Variants in JAZF1 observed in about 807,000 individuals in gnomAD.
The protein encoded by JAZF1 is juxtaposed with another zinc finger protein 1.
In JAZF1, 8 loss-of-function variants were observed where a neutral mutation model predicts 26.4. The observed-to-expected ratio is 0.30, with a 90% confidence interval of 0.18 to 0.55. The LOEUF (loss-of-function observed/expected upper bound fraction) is 0.55. Among genes scored for constraint, JAZF1 ranks in the 20% least tolerant of loss-of-function variants. JAZF1 has a pLI of 0.94. For missense variants in JAZF1, 199 were observed against 322.0 expected (o/e 0.62, Z 2.92); for synonymous variants, 126 against 122.3 (o/e 1.03, Z -0.20).
intron 1 of JAZF1, among the ~76,000 whole-genome samples, chr7:28,052,838 T>C (rs1373027250): frequency 6.6e-5 from 10 of 152,166 alleles, no homozygotes; most frequent in South Asian, 4.2e-4. Context: ...TTTCTGATTG[T>C]GGTAAAAAAT....
At chr7:28,055,218 C>T (rs762086480) in intron 1 of JAZF1, among the ~76,000 whole-genome samples, 2 of 151,760 alleles carry the variant, frequency 1.3e-5, no homozygotes, top group Non-Finnish European at 2.9e-5. Context: ...AGTCTAGTCT[C>T]TCTCCCTCCC....
chr7:28,046,753 G>A (rs1783503925), intron 1 of JAZF1, among the ~76,000 whole-genome samples: 1 of 152,150 alleles, frequency 6.6e-6, no homozygotes, highest in Admixed American at 6.6e-5. Context: ...AAAGTATTTT[G>A]ATATGTTAAA....
chr7:27,993,754 A>C (rs1024748561), intron 1 of JAZF1, among the ~76,000 whole-genome samples: 5 of 152,176 alleles, frequency 3.3e-5, no homozygotes, highest in Non-Finnish European at 2.9e-5. Flanking sequence ...AAAATTTCTC[A>C]AGTGCTCACA....
chr7:27,961,584 C>A (rs1785185446), intron 2 of JAZF1, among the ~76,000 whole-genome samples: 1 of 152,136 alleles, frequency 6.6e-6, no homozygotes. Context: ...AAAATATTCT[C>A]CCCAAAGAAA....
At chr7:28,014,147 G>A (rs1183685433) in intron 1 of JAZF1, among the ~76,000 whole-genome samples, 2 of 151,892 alleles carry the variant, frequency 1.3e-5, no homozygotes, top group East Asian at 1.9e-4. Flanking sequence ...GGTGGGGAAT[G>A]CATGCTCTCT....
chr7:28,014,876 G>C (rs923701651), intron 1 of JAZF1, among the ~76,000 whole-genome samples: 4 of 152,278 alleles, frequency 2.6e-5, no homozygotes, highest in African/African-American at 9.6e-5. Flanking sequence ...GAAGGGAGTG[G>C]CATAAAGATG....
intron 1 of JAZF1, among the ~76,000 whole-genome samples, chr7:28,106,388 G>A (rs1400224236): frequency 6.6e-6 from 1 of 152,188 alleles, no homozygotes; most frequent in African/African-American, 2.4e-5. Context: ...CTGGCTTGCT[G>A]AGCAGCAACG....
At chr7:27,904,355 A>G (rs1449155796) in intron 2 of JAZF1, among the ~76,000 whole-genome samples, 1 of 152,208 alleles carries the variant, frequency 6.6e-6, no homozygotes, top group Non-Finnish European at 1.5e-5. Flanking sequence ...TTAATTCCAT[A>G]GTGAAGCTAA....
At chr7:27,842,190 GC>G (rs1255631368) in intron 3 of JAZF1, 1 of 152,160 alleles carries the variant, frequency 6.6e-6, no homozygotes, top group Non-Finnish European at 1.5e-5. Flanking sequence ...TTTACTCAGT[GC>G]CTATGATGTT....
intron 3 of JAZF1, among the ~76,000 whole-genome samples, chr7:27,870,446 C>T (rs10239899): frequency 0.043 from 6,480 of 152,226 alleles, 201 homozygotes; most frequent in South Asian, 0.067. Context: ...CTCTCCTACA[C>T]AAGTCCCAAG....
intron 2 of JAZF1, among the ~76,000 whole-genome samples, chr7:27,936,285 T>C (rs1784762424): frequency 6.6e-6 from 1 of 152,182 alleles, no homozygotes; most frequent in Admixed American, 6.5e-5. Flanking sequence ...GAGGACATGC[T>C]TTCTCTGGTG....
rs149948883 is a variant in JAZF1 at position 27,839,521 on chromosome 7, T to G, written c.555+1177A>C. 8.6e-3 allele frequency among the ~76,000 whole-genome samples: 1,308 copies of G among 152,284 alleles called. 18 individuals carry two copies. The highest frequency in any genetic ancestry group is 0.029 in the African/African-American group (1,196 of 41,576). On this transcript the variant is annotated intron_variant, in intron 4 of 4. Transcript: ENST00000283928. ...CCCTCCTCTCCCAACTCCACGCCTCTGACACAGAATGTACAGATGCGTCCT... is the reference window on the plus strand; with the variant it reads ...CCCTCCTCTCCCAACTCCACGCCTCGGACACAGAATGTACAGATGCGTCCT...
chr7:28,158,140 A>AAC (rs1220549508), intron 1 of JAZF1, among the ~76,000 whole-genome samples: 2 of 148,016 alleles, frequency 1.4e-5, no homozygotes, highest in South Asian at 2.2e-4. Context: ...CCACATTGAA[A>AAC]ACACGCGCGC....
intron 1 of JAZF1, among the ~76,000 whole-genome samples, chr7:28,092,478 A>C (rs1300008141): frequency 6.9e-6 from 1 of 144,646 alleles, no homozygotes; most frequent in Non-Finnish European, 1.5e-5. Context: ...AGCAATATTA[A>C]AAGTATATAA....
At chr7:27,988,653 T>C (rs1785815176) in intron 2 of JAZF1, among the ~76,000 whole-genome samples, 1 of 152,088 alleles carries the variant, frequency 6.6e-6, no homozygotes, top group Non-Finnish European at 1.5e-5. Flanking sequence ...ACATCGGTTA[T>C]TGTGATTTTT....
chr7:27,899,597 G>A (rs1050867212), intron 2 of JAZF1, among the ~76,000 whole-genome samples: 6 of 152,002 alleles, frequency 3.9e-5, no homozygotes, highest in Admixed American at 3.9e-4. Flanking sequence ...CCCATGCCCA[G>A]GTAATTTTTG....
chr7:28,076,313 AAT>A (rs1352524984), intron 1 of JAZF1, among the ~76,000 whole-genome samples: 3 of 152,224 alleles, frequency 2.0e-5, no homozygotes, highest in Admixed American at 6.5e-5. Flanking sequence ...TTCAGAAACA[AAT>A]AAATGAAAGG....
At chr7:27,984,075 G>A (rs905055773) in intron 2 of JAZF1, among the ~76,000 whole-genome samples, 3 of 152,160 alleles carry the variant, frequency 2.0e-5, no homozygotes, top group Non-Finnish European at 4.4e-5. Context: ...ACATCATAAC[G>A]ACAGGATCAA....
chr7:28,122,027 G>A (rs1315581654), intron 1 of JAZF1, among the ~76,000 whole-genome samples: 1 of 152,206 alleles, frequency 6.6e-6, no homozygotes. Context: ...GAAAATCTTT[G>A]AAGTATAGAG....
Sources: gnomAD v4.1 joint callset for allele counts (sites outside exome capture counted in the v4.1 genomes callset) on GRCh38, gnomAD v4.1.1 for gene constraint, MANE v1.5 for transcripts, NCBI Gene and HGNC (gene_info 2026-07-23, HGNC 2026-07-21) for gene names.